Variants in JAK1 observed in about 807,000 individuals in gnomAD.
JAK1 encodes the protein Janus kinase 1, also known as tyrosine-protein kinase JAK1.
A neutral mutation model predicts 136.6 loss-of-function variants in JAK1; 16 were observed. That is an observed-to-expected ratio of 0.12 (90% CI 0.08 to 0.18). The LOEUF (loss-of-function observed/expected upper bound fraction) is 0.18, where lower values mean the gene tolerates loss of function less well. Among genes scored for constraint, JAK1 ranks in the 10% least tolerant of loss-of-function variants. The pLI is 1.00. For synonymous variants in JAK1, 492 were observed against 519.5 expected, an observed-to-expected ratio of 0.95 and a Z score of 0.72; for missense variants, 859 against 1,450.1, an observed-to-expected ratio of 0.59 and a Z score of 6.62.
chr1:64,913,703 A>AAGGAAGGAAG (rs1306900538), intron 1 of JAK1, among the ~76,000 whole-genome samples: 10 of 13,654 alleles, frequency 7.3e-4, no homozygotes, highest in Non-Finnish European at 7.7e-4. Flanking sequence ...AAGGAAGGAA[A>AAGGAAGGAAG]GAAGGGAGGG....
chr1:64,915,537 C>A (rs1254901955), intron 1 of JAK1, among the ~76,000 whole-genome samples: 1 of 152,164 alleles, frequency 6.6e-6, no homozygotes, highest in African/African-American at 2.4e-5. Flanking sequence ...TCCTCTGCCC[C>A]AGCAAAAGTC....
At chr1:64,934,170 C>T (rs1379985284) in intron 1 of JAK1, among the ~76,000 whole-genome samples, 1 of 152,176 alleles carries the variant, frequency 6.6e-6, no homozygotes, top group Non-Finnish European at 1.5e-5. Context: ...TGTTCCTGGT[C>T]ACCAATTGGG....
intron 2 of JAK1, among the ~76,000 whole-genome samples, chr1:64,982,118 A>G (rs1261189406): frequency 9.1e-6 from 1 of 109,706 alleles, no homozygotes; most frequent in African/African-American, 4.5e-5. Flanking sequence ...ACACACGCAC[A>G]CACACGCACA....
intron 1 of JAK1, among the ~76,000 whole-genome samples, chr1:64,906,174 A>G (rs1645187193): frequency 6.6e-6 from 1 of 152,046 alleles, no homozygotes; most frequent in Non-Finnish European, 1.5e-5. Context: ...CATGCCTGTA[A>G]TCCCAGTTAC....
intron 2 of JAK1, among the ~76,000 whole-genome samples, chr1:65,040,410 T>C (rs1647119321): frequency 6.6e-6 from 1 of 152,012 alleles, no homozygotes; most frequent in Non-Finnish European, 1.5e-5. Context: ...CTTCTCCGAC[T>C]CTCCTGCTTC....
chr1:64,935,636 G>T (rs1645775864), intron 1 of JAK1, among the ~76,000 whole-genome samples: 1 of 152,140 alleles, frequency 6.6e-6, no homozygotes, highest in Non-Finnish European at 1.5e-5. Flanking sequence ...CCAACAACCT[G>T]TCCTCTTTCC....
At chr1:64,908,330 T>C (rs1471448361) in intron 1 of JAK1, among the ~76,000 whole-genome samples, 2 of 152,144 alleles carry the variant, frequency 1.3e-5, no homozygotes, top group Non-Finnish European at 2.9e-5. Context: ...TTCAGCTCTA[T>C]CCTTATTCAT....
At chr1:65,063,364 A>G (rs1647893128) in intron 1 of JAK1, among the ~76,000 whole-genome samples, 1 of 152,244 alleles carries the variant, frequency 6.6e-6, no homozygotes. Flanking sequence ...TAGCCGTTCT[A>G]GAACCCTGGA....
intron 19 of JAK1, 53 bp downstream of exon 19, chr1:64,841,192 G>A: frequency 2.4e-6 from 3 of 1,270,364 alleles, no homozygotes; most frequent in Non-Finnish European, 3.5e-6. Flanking sequence ...GAGTGGCGCT[G>A]TGGATGGCGG....
intron 2 of JAK1, among the ~76,000 whole-genome samples, chr1:65,026,876 T>C (rs1646981883): frequency 6.6e-6 from 1 of 151,634 alleles, no homozygotes. Context: ...TGCTTGAACC[T>C]AGGAGGTAGA....
chr1:64,883,239 G>A, intron 3 of JAK1, 38 bp downstream of exon 3: 2 of 1,546,848 alleles, frequency 1.3e-6, no homozygotes, highest in Non-Finnish European at 1.8e-6. Flanking sequence ...CTAGTGTGTT[G>A]GTGAAACCCC....
intron 1 of JAK1, among the ~76,000 whole-genome samples, chr1:65,065,772 G>A (rs1297206986): frequency 6.6e-6 from 1 of 150,686 alleles, no homozygotes; most frequent in Non-Finnish European, 1.5e-5. Flanking sequence ...GCCTGGCTCT[G>A]GGTTAAGCTT....
At chr1:64,898,837 C>G (rs192043947) in intron 1 of JAK1, among the ~76,000 whole-genome samples, 10 of 152,296 alleles carry the variant, frequency 6.6e-5, no homozygotes, top group Admixed American at 6.5e-4. Context: ...TGTGCTTGTT[C>G]AGTGCATTTC....
intron 2 of JAK1, chr1:64,972,333 G>GT (rs1429164508): frequency 2.0e-5 from 3 of 152,222 alleles, no homozygotes; most frequent in African/African-American, 7.2e-5. Flanking sequence ...AATGTCCACT[G>GT]TTTTAGACCC....
upstream of JAK1, among the ~76,000 whole-genome samples, chr1:64,969,776 C>T (rs1646433554): frequency 6.6e-6 from 1 of 151,904 alleles, no homozygotes; most frequent in Admixed American, 6.6e-5. Flanking sequence ...AGGATGCCAC[C>T]GACTGGATGC....
At chr1:64,894,152 G>A (rs766800687) in intron 1 of JAK1, among the ~76,000 whole-genome samples, 1 of 152,122 alleles carries the variant, frequency 6.6e-6, no homozygotes, top group Non-Finnish European at 1.5e-5. Context: ...AGCCTCCACC[G>A]GTCACCAGCC....
intron 2 of JAK1, among the ~76,000 whole-genome samples, chr1:65,026,225 C>T (rs759203090): frequency 6.6e-6 from 1 of 152,250 alleles, no homozygotes; most frequent in East Asian, 1.9e-4. Context: ...TCTTTTGAAC[C>T]ATTACCTTAT....
intron 10 of JAK1, among the ~76,000 whole-genome samples, chr1:64,856,962 GTT>G (rs1655978570): frequency 6.6e-6 from 1 of 152,194 alleles, no homozygotes; most frequent in Non-Finnish European, 1.5e-5. Flanking sequence ...GATGTAAAGT[GTT>G]TTGTAAAACT....
At chr1:65,052,830 C>T (rs1311491963) in intron 1 of JAK1, among the ~76,000 whole-genome samples, 1 of 138,898 alleles carries the variant, frequency 7.2e-6, no homozygotes, top group African/African-American at 2.8e-5. Context: ...TCTGGGCACT[C>T]CAGCCTGGGT....
Sources: gnomAD v4.1 joint callset for allele counts (sites outside exome capture counted in the v4.1 genomes callset) on GRCh38, gnomAD v4.1.1 for gene constraint, MANE v1.5 for transcripts, NCBI Gene and HGNC (gene_info 2026-07-23, HGNC 2026-07-21) for gene names.